PCDHA1: variants seen among roughly 807,000 people sequenced by gnomAD.
The protein encoded by PCDHA1 is protocadherin alpha 1.
Under a neutral mutation model 61.3 loss-of-function variants are expected in PCDHA1, and 42 were observed. That is an observed-to-expected ratio of 0.69 (90% CI 0.54 to 0.89). The LOEUF is 0.89. Among genes scored for constraint, PCDHA1 ranks in the 40% least tolerant of loss-of-function variants. The pLI, the probability that PCDHA1 is intolerant of heterozygous loss-of-function variation, is 0.00. For synonymous variants in PCDHA1, 610 were observed against 553.8 expected, an observed-to-expected ratio of 1.10 and a Z score of -1.43; for missense variants, 1,256 against 1,235.3, an observed-to-expected ratio of 1.02 and a Z score of -0.25.
chr5:140,988,156 C>A (rs546335543), intron 3 of PCDHA1, among the ~76,000 whole-genome samples: 1 of 152,054 alleles, frequency 6.6e-6, no homozygotes, highest in Non-Finnish European at 1.5e-5. Flanking sequence ...CAACTTCTGC[C>A]GTTGTCATAG....
At chr5:140,966,809 C>T (rs1335148442) in intron 1 of PCDHA1, 5 of 1,547,376 alleles carry the variant, frequency 3.2e-6, no homozygotes, top group African/African-American at 1.4e-5. Flanking sequence ...AGAGCATCCA[C>T]GGCTCCGGCG....
intron 1 of PCDHA1, chr5:140,835,475 A>T (rs141258579): frequency 6.2e-7 from 1 of 1,613,920 alleles, no homozygotes; most frequent in Non-Finnish European, 8.5e-7. Flanking sequence ...AGGACGCCCA[A>T]CCAGGTACCG....
chr5:140,855,049 C>G (rs188702829), intron 1 of PCDHA1, among the ~76,000 whole-genome samples: 3 of 149,820 alleles, frequency 2.0e-5, no homozygotes, highest in South Asian at 2.1e-4. Context: ...TGTAATAGTA[C>G]TTTTCTGTTT....
At chr5:140,888,048 A>G (rs534072281) in intron 1 of PCDHA1, among the ~76,000 whole-genome samples, 40 of 152,296 alleles carry the variant, frequency 2.6e-4, no homozygotes, top group African/African-American at 9.4e-4. Context: ...TGTATAATAG[A>G]TGTTTTAACT....
At chr5:140,808,038 A>G in intron 1 of PCDHA1, 1 of 1,614,054 alleles carries the variant, frequency 6.2e-7, no homozygotes, top group South Asian at 1.1e-5. Flanking sequence ...TTCTCAAATG[A>G]TATTTCGCCA....
chr5:140,818,573 A>C (rs1766388565), intron 1 of PCDHA1, among the ~76,000 whole-genome samples: 1 of 152,236 alleles, frequency 6.6e-6, no homozygotes, highest in Non-Finnish European at 1.5e-5. Context: ...ATGGTGGCTC[A>C]TGCCTATAAT....
At chr5:140,932,633 A>T (rs1192123242) in intron 1 of PCDHA1, among the ~76,000 whole-genome samples, 1 of 151,912 alleles carries the variant, frequency 6.6e-6, no homozygotes, top group African/African-American at 2.4e-5. Flanking sequence ...ACACTAAAAA[A>T]CTTTAGAATG....
chr5:140,842,856 C>G, intron 1 of PCDHA1: 1 of 1,593,922 alleles, frequency 6.3e-7, no homozygotes, highest in Non-Finnish European at 8.6e-7. Flanking sequence ...TCGGTGCACA[C>G]GGAGAGCGGC....
At chr5:141,000,608 A>G (rs1554257700) in intron 3 of PCDHA1, among the ~76,000 whole-genome samples, 2 of 150,664 alleles carry the variant, frequency 1.3e-5, no homozygotes, top group African/African-American at 4.9e-5. Context: ...TTGTATTTTT[A>G]GTAGAGACAG....
At chr5:140,976,515 C>T (rs1285704969) in intron 1 of PCDHA1, among the ~76,000 whole-genome samples, 1 of 152,016 alleles carries the variant, frequency 6.6e-6, no homozygotes, top group Non-Finnish European at 1.5e-5. Flanking sequence ...CGCGCCACTG[C>T]ACACCAGCCT....
At chr5:140,937,869 G>A (rs1268422806) in intron 1 of PCDHA1, among the ~76,000 whole-genome samples, 1 of 150,376 alleles carries the variant, frequency 6.6e-6, no homozygotes, top group African/African-American at 2.5e-5. Flanking sequence ...CCGAGATCGC[G>A]CCACTGCACT....
intron 1 of PCDHA1, chr5:140,881,303 C>G (rs2058657354): frequency 2.1e-6 from 2 of 962,486 alleles, no homozygotes; most frequent in African/African-American, 1.8e-5. Flanking sequence ...GAAACTTTAA[C>G]CTCCTGGTTA....
intron 1 of PCDHA1, among the ~76,000 whole-genome samples, chr5:140,917,584 A>T (rs2153544569): frequency 6.6e-6 from 1 of 152,336 alleles, no homozygotes; most frequent in South Asian, 2.1e-4. Context: ...ATTTTTGTTC[A>T]TGCTGAAAGG....
intron 1 of PCDHA1, among the ~76,000 whole-genome samples, chr5:140,891,255 A>C (rs1313851741): frequency 6.6e-6 from 1 of 151,868 alleles, no homozygotes; most frequent in Non-Finnish European, 1.5e-5. Context: ...GATTTTTTTT[A>C]ATTTTTAATT....
At chr5:140,947,436 G>C (rs269551) in intron 1 of PCDHA1, among the ~76,000 whole-genome samples, 37,364 of 151,424 alleles carry the variant, frequency 0.25, 5,790 homozygotes, top group African/African-American at 0.44. Flanking sequence ...TTGAAAATCA[G>C]CTGTGAAATC....
At chr5:140,853,695 C>T (rs376697449) in intron 1 of PCDHA1, 1 of 988,266 alleles carries the variant, frequency 1.0e-6, no homozygotes, top group African/African-American at 1.8e-5. Context: ...CTTAGACCTG[C>T]TAACGCATTA....
chr5:140,827,962 TA>T, intron 1 of PCDHA1: 1 of 1,320,364 alleles, frequency 7.6e-7, no homozygotes, highest in South Asian at 1.4e-5. Flanking sequence ...TTTCTTCTAT[TA>T]CTGCATCATT....
rs782782390 is a variant in PCDHA1 at position 140,856,337 on chromosome 5, C to T, written c.2394+67653C>T. 2.5e-6 allele frequency: 4 copies of T among 1,598,496 alleles called. 1 individual carries two copies. The Admixed American group carries it at 5.1e-5, about 20-fold the overall frequency. On this transcript the variant is annotated intron_variant, in intron 1 of 3. Transcript: ENST00000504120. ...GATTGACCGCGAGGAGCTGTGCGGG[C>T]GGAGCGTGGAGTGCAGCATCCACCT...
intron 1 of PCDHA1, among the ~76,000 whole-genome samples, chr5:140,800,043 T>C (rs530877210): frequency 6.6e-6 from 1 of 152,248 alleles, no homozygotes; most frequent in South Asian, 2.1e-4. Context: ...AAATAATCAA[T>C]TCTTTCAAGT....
Sources: gnomAD v4.1 joint callset for allele counts (sites outside exome capture counted in the v4.1 genomes callset) on GRCh38, gnomAD v4.1.1 for gene constraint, MANE v1.5 for transcripts, NCBI Gene and HGNC (gene_info 2026-07-23, HGNC 2026-07-21) for gene names.